The following ABAT variants were observed in gnomAD, a reference collection of about 807,000 sequenced individuals.
The protein encoded by ABAT is 4-aminobutyrate aminotransferase.
In ABAT, 45 loss-of-function variants were observed where a neutral mutation model predicts 64.6. The observed-to-expected ratio is 0.70, with a 90% confidence interval of 0.55 to 0.89. ABAT has a LOEUF of 0.89. Ranked by LOEUF, ABAT falls within the 40% of genes least tolerant of loss-of-function variation. ABAT has a pLI of 0.00. For missense variants in ABAT, 633 were observed against 658.4 expected, an observed-to-expected ratio of 0.96 and a Z score of 0.42; for synonymous variants, 297 against 250.5, an observed-to-expected ratio of 1.19 and a Z score of -1.75.
In ABAT at chr16:8,717,895, TCCTCTCA is replaced by T. The variant is rs2058257642; in HGVS notation, c.-41-17800_-41-17794del. 2.0e-5 allele frequency among the ~76,000 whole-genome samples: 3 copies of T among 152,072 alleles called. No homozygotes were observed. In the South Asian group the frequency reaches 6.2e-4, roughly 32 times the overall value. On this transcript the variant is annotated intron_variant, in intron 1 of 15. Transcript: ENST00000268251. ...ATCTCAATCTCCTGGGCTCAAGCGA[TCCTCTCA>T]CCTTGGCCTCCCAACATGCTGGGAT...
At chr16:8,754,661 G>GATTT (rs140099713) in intron 5 of ABAT, among the ~76,000 whole-genome samples, 1 of 16,768 alleles carries the variant, frequency 6.0e-5, no homozygotes, top group African/African-American at 7.7e-5. Flanking sequence ...TCAGCAAGTT[G>GATTT]ATTTATTTAT....
chr16:8,732,888 G>T (rs898753924), intron 1 of ABAT, among the ~76,000 whole-genome samples: 1 of 149,742 alleles, frequency 6.7e-6, no homozygotes, highest in Non-Finnish European at 1.5e-5. Flanking sequence ...GGGCAGAGGC[G>T]CCCCTCACCT....
intron 9 of ABAT, among the ~76,000 whole-genome samples, chr16:8,767,848 GT>G (rs1448562304): frequency 1.3e-5 from 2 of 152,002 alleles, no homozygotes; most frequent in African/African-American, 4.8e-5. Flanking sequence ...TCTAATTTTT[GT>G]ATTTTTAGTA....
intron 1 of ABAT, among the ~76,000 whole-genome samples, chr16:8,732,412 T>C (rs1008734729): frequency 1.3e-5 from 2 of 149,678 alleles, no homozygotes; most frequent in African/African-American, 5.0e-5. Context: ...GATTAGGGAG[T>C]GGTGATGACT....
At chr16:8,708,874 C>T (rs893594850) in intron 1 of ABAT, among the ~76,000 whole-genome samples, 1 of 152,158 alleles carries the variant, frequency 6.6e-6, no homozygotes, top group Admixed American at 6.5e-5. Flanking sequence ...TGAGAATAAA[C>T]AGCAGGTGCT....
At chr16:8,727,447 C>T (rs1438169456) in intron 1 of ABAT, among the ~76,000 whole-genome samples, 1 of 152,208 alleles carries the variant, frequency 6.6e-6, no homozygotes, top group African/African-American at 2.4e-5. Flanking sequence ...CTGAAATCGC[C>T]TAACTTTTGA....
At position 8,699,061 on chromosome 16, in the gene ABAT, G is replaced by C. The variant is rs377357933; in HGVS notation, c.-42+24350G>C. 1.1e-4 allele frequency among the ~76,000 whole-genome samples: 16 copies of C among 152,228 alleles called. No homozygotes were observed. The East Asian group carries it at 1.2e-3, about 11-fold the overall frequency. On this transcript the variant is annotated intron_variant, in intron 1 of 15. Coordinates refer to ENST00000268251, the MANE Select transcript of ABAT (RefSeq NM_020686.6). ...GGGGTATGTACCTAGGGGTGGAATTGCTGGGTCATATGGTGATTCTGTGTC... is the reference window on the plus strand; with the variant it reads ...GGGGTATGTACCTAGGGGTGGAATTCCTGGGTCATATGGTGATTCTGTGTC...
chr16:8,747,652 C>G (rs570787653), intron 3 of ABAT, among the ~76,000 whole-genome samples: 2 of 152,110 alleles, frequency 1.3e-5, no homozygotes, highest in East Asian at 3.9e-4. Context: ...TTCTAATTCC[C>G]TGTTTCTGTA....
chr16:8,711,726 A>ATG (rs1489993719), intron 1 of ABAT, among the ~76,000 whole-genome samples: 15 of 94,796 alleles, frequency 1.6e-4, no homozygotes, highest in African/African-American at 3.2e-4. Context: ...ATGGATGGGA[A>ATG]GATGGATGGG....
chr16:8,719,385 C>T (rs1210472460), intron 1 of ABAT, among the ~76,000 whole-genome samples: 2 of 152,162 alleles, frequency 1.3e-5, no homozygotes. Flanking sequence ...TATTTCCTAC[C>T]TCCAGAACAA....
chr16:8,700,741 G>A lies in ABAT; in HGVS notation c.-42+26030G>A, dbSNP rs142097469. On this transcript the variant is annotated intron_variant, in intron 1 of 15. Transcript: ENST00000268251. ...TTCCCAAGTTGTTGGGACTACAGGTGTGCACCACTACACCTGGCGCATTTT... is the reference window on the plus strand; with the variant it reads ...TTCCCAAGTTGTTGGGACTACAGGTATGCACCACTACACCTGGCGCATTTT... 6.4e-4 allele frequency among the ~76,000 whole-genome samples: 97 copies of A among 152,020 alleles called. 1 individual carries two copies. The highest frequency in any genetic ancestry group is 3.1e-3 in the Admixed American group (48 of 15,258).
At chr16:8,761,945 A>ATTTCT (rs1344364035) in intron 6 of ABAT, among the ~76,000 whole-genome samples, 4 of 151,902 alleles carry the variant, frequency 2.6e-5, no homozygotes, top group Non-Finnish European at 5.9e-5. Context: ...TCCAATTATG[A>ATTTCT]TTTCTTTTTT....
chr16:8,773,797 C>T (rs1236026118), intron 12 of ABAT, among the ~76,000 whole-genome samples: 1 of 152,226 alleles, frequency 6.6e-6, no homozygotes, highest in African/African-American at 2.4e-5. Flanking sequence ...TGAGTGAGAA[C>T]ATGCAATATT....
At chr16:8,742,171 C>G (rs1194965964) in intron 2 of ABAT, among the ~76,000 whole-genome samples, 1 of 152,222 alleles carries the variant, frequency 6.6e-6, no homozygotes, top group Non-Finnish European at 1.5e-5. Flanking sequence ...CACCACCTCT[C>G]CCAGCTCCTG....
chr16:8,774,720 T>C (rs1226377839), intron 12 of ABAT, among the ~76,000 whole-genome samples, 170 bp from the exon 13 acceptor site: 1 of 152,140 alleles, frequency 6.6e-6, no homozygotes, highest in African/African-American at 2.4e-5. Context: ...CTTAAGTGTT[T>C]TGATTAGTTT....
intron 1 of ABAT, among the ~76,000 whole-genome samples, chr16:8,702,593 C>T (rs2057849328): frequency 6.6e-6 from 1 of 152,128 alleles, no homozygotes. Flanking sequence ...AACTCTATCA[C>T]AAGAACAGCA....
chr16:8,723,824 TA>T (rs2058450343), intron 1 of ABAT, among the ~76,000 whole-genome samples: 108 of 56,974 alleles, frequency 1.9e-3, no homozygotes, highest in Non-Finnish European at 3.1e-3. Context: ...TATATATATA[TA>T]TATTTTTTTT....
At chr16:8,719,066 C>G (rs2058292414) in intron 1 of ABAT, among the ~76,000 whole-genome samples, 1 of 152,164 alleles carries the variant, frequency 6.6e-6, no homozygotes, top group Non-Finnish European at 1.5e-5. Flanking sequence ...TTCCTCCAAT[C>G]ACACCGACCT....
chr16:8,775,349 A>C (rs2060236486), intron 13 of ABAT, among the ~76,000 whole-genome samples: 1 of 152,228 alleles, frequency 6.6e-6, no homozygotes, highest in Non-Finnish European at 1.5e-5. Flanking sequence ...CTATGTGCCT[A>C]GTTCTAAGTA....
Sources: gnomAD v4.1 joint callset for allele counts (sites outside exome capture counted in the v4.1 genomes callset) on GRCh38, gnomAD v4.1.1 for gene constraint, MANE v1.5 for transcripts, NCBI Gene and HGNC (gene_info 2026-07-23, HGNC 2026-07-21) for gene names.